The following RIF1 variants were observed in gnomAD, a reference collection of about 807,000 sequenced individuals.
RIF1 encodes telomere-associated protein RIF1.
RIF1 carries 45 observed loss-of-function variants against 247.1 expected under a neutral mutation model. That is an observed-to-expected ratio of 0.18 (90% CI 0.14 to 0.23). The LOEUF (loss-of-function observed/expected upper bound fraction) is 0.23. RIF1 is among the 10% of genes least tolerant of loss of function. RIF1 has a pLI of 1.00. For missense variants in RIF1, 2,967 were observed against 2,862.5 expected (o/e 1.04, Z -0.83); for synonymous variants, 1,087 against 978.8 (o/e 1.11, Z -2.06).
At chr2:151,497,890 C>G in intron 10 of RIF1, 1 of 1,487,982 alleles carries the variant, frequency 6.7e-7, no homozygotes, top group South Asian at 1.4e-5. Context: ...AATCTGCACC[C>G]TCTAGAGAAG....
intron 4 of RIF1, 78 bp from the exon 5 acceptor site, chr2:151,416,483 T>C: frequency 7.9e-7 from 1 of 1,270,748 alleles, no homozygotes; most frequent in South Asian, 1.5e-5. Flanking sequence ...ATGAGTATAT[T>C]GTTTTCTCTA....
chr2:151,443,447 C>T, intron 17 of RIF1, 82 bp from the exon 18 acceptor site: 1 of 1,388,808 alleles, frequency 7.2e-7, no homozygotes, highest in African/African-American at 1.5e-5. Flanking sequence ...AACTTTTTGT[C>T]AGTTATTTTA....
intron 9 of RIF1, chr2:151,492,260 C>T: frequency 6.2e-7 from 1 of 1,612,998 alleles, no homozygotes; most frequent in Non-Finnish European, 8.5e-7. Context: ...TTGTGTTTCT[C>T]AAAGTCTTCA....
rs943866392 is a variant in RIF1 at position 151,505,534 on chromosome 2, T to C, written c.*862-676T>C. 13 of 1,613,710 alleles carry C rather than the reference T, an allele frequency of 8.1e-6. No homozygotes were observed. The African/African-American group carries it at 1.7e-4, about 22-fold the overall frequency. Reference sequence around the variant, plus strand: ...CGTTTCACTTCAGGCAGGTCAGGGATTGGAGTTCCTTGTCCTATTGCTTCC... The same window carrying C: ...CGTTTCACTTCAGGCAGGTCAGGGACTGGAGTTCCTTGTCCTATTGCTTCC... On this transcript the variant is annotated intron_variant and NMD_transcript_variant, in intron 12 of 13. Coordinates refer to the RIF1 transcript ENST00000454583.
At chr2:151,469,554 A>G (rs144182960) in intron 33 of RIF1, among the ~76,000 whole-genome samples, 157 bp from the exon 34 acceptor site, 1 of 152,250 alleles carries the variant, frequency 6.6e-6, no homozygotes, top group East Asian at 1.9e-4. Flanking sequence ...TCAGATTCGA[A>G]TTTTGTTTTA....
the RIF1 span, among the ~76,000 whole-genome samples, chr2:151,521,107 G>C: frequency 7.9e-5 from 12 of 152,172 alleles, no homozygotes; most frequent in East Asian, 1.7e-3. Context: ...TTATTGTTAA[G>C]ATGAAAGACT....
chr2:151,422,900 AT>A (rs199807004), intron 7 of RIF1, 49 bp from the exon 8 acceptor site: 43 of 968,412 alleles, frequency 4.4e-5, no homozygotes, highest in Middle Eastern at 2.4e-4. Context: ...TTGGTATTGG[AT>A]TTTTTTTTCT....
chr2:151,503,346 T>G, intron 12 of RIF1: 1 of 1,596,704 alleles, frequency 6.3e-7, no homozygotes, highest in Non-Finnish European at 8.6e-7. Flanking sequence ...TATTTGTAAA[T>G]ACCGAGCTAA....
At chr2:151,427,140 G>A (rs1381541399) in intron 8 of RIF1, among the ~76,000 whole-genome samples, 1 of 151,784 alleles carries the variant, frequency 6.6e-6, no homozygotes, top group African/African-American at 2.4e-5. Flanking sequence ...CCTGTTAGGA[G>A]CATTCGTGTT....
chr2:151,490,534 T>G (rs199665245), intron 9 of RIF1: 1 of 1,605,824 alleles, frequency 6.2e-7, no homozygotes. Flanking sequence ...AGAGATGCAG[T>G]TGGGGGAGAT....
At chr2:151,515,573 G>A in the RIF1 span, among the ~76,000 whole-genome samples, 1 of 152,158 alleles carries the variant, frequency 6.6e-6, no homozygotes, top group African/African-American at 2.4e-5. Context: ...CAGAGGAATT[G>A]TATGGTTTTG....
chr2:151,485,650 C>A, downstream of RIF1: 8 of 1,087,602 alleles, frequency 7.4e-6, no homozygotes, highest in Non-Finnish European at 1.0e-5. Context: ...CACATTGACA[C>A]AGAAAAACCA....
At chr2:151,518,970 T>C in the RIF1 span, 2 of 1,608,738 alleles carry the variant, frequency 1.2e-6, no homozygotes, top group African/African-American at 1.3e-5. Flanking sequence ...CTTACAGAAC[T>C]GGCAAGTTGG....
In RIF1 at chr2:151,416,599, A is replaced by G; in HGVS notation, c.319A>G (p.Thr107Ala). Residue 107 changes from threonine (T) to alanine (A), a missense_variant, in exon 5 of 36, where the codon ACC (threonine) becomes GCC (alanine). Physicochemically the swap from Thr to Ala is moderately conservative, Grantham distance 58. Around this residue, in one of 7 missense-constraint regions of RIF1, gnomAD observed 269 missense variants for 288.6 expected, o/e 0.93. Coordinates refer to ENST00000444746, the MANE Select transcript of RIF1 (RefSeq NM_018151.5). ...AGAATTGCTTTCAAAATTGAATGAT[A>G]CCATTAAGAATTCAGACAAAAATGT... ...ALELLSKLNDTIKNSDKNVRT... is the reference protein window; with the variant it reads ...ALELLSKLNDAIKNSDKNVRT... 1.2e-6 allele frequency: 2 copies of G among 1,606,762 alleles called. No homozygotes were observed. Among genetic ancestry groups the G allele is most frequent in the Non-Finnish European group, 1.7e-6 (2 of 1,178,114 alleles).
At chr2:151,461,713 GA>G (rs1696201355) in intron 27 of RIF1, among the ~76,000 whole-genome samples, 1 of 151,956 alleles carries the variant, frequency 6.6e-6, no homozygotes, top group Non-Finnish European at 1.5e-5. Flanking sequence ...ATTTTAATGC[GA>G]AAAGTTATAC....
intron 7 of RIF1, among the ~76,000 whole-genome samples, chr2:151,421,565 A>G (rs1688168394): frequency 6.6e-6 from 1 of 152,144 alleles, no homozygotes; most frequent in Non-Finnish European, 1.5e-5. Context: ...GGAAAGCCAT[A>G]TTTGAAGGTC....
chr2:151,526,171 T>C, the RIF1 span: 1 of 1,613,950 alleles, frequency 6.2e-7, no homozygotes, highest in Non-Finnish European at 8.5e-7. Context: ...AGACACCAGG[T>C]TGCTGACAGT....
chr2:151,507,704 C>T, intron 13 of RIF1: 1 of 312,494 alleles, frequency 3.2e-6, no homozygotes. Context: ...GTGTGTCTCT[C>T]TTGTTAATCT....
chr2:151,446,307 C>T, intron 19 of RIF1, 119 bp from the exon 20 acceptor site: 5 of 922,310 alleles, frequency 5.4e-6, no homozygotes, highest in Non-Finnish European at 8.1e-6. Flanking sequence ...CCGTTAGTGT[C>T]TTTTTTGACA....
Sources: gnomAD v4.1 joint callset for allele counts (sites outside exome capture counted in the v4.1 genomes callset) on GRCh38, gnomAD v4.1.1 for gene constraint, gnomAD v4.1.1 regional missense constraint, MANE v1.5 for transcripts, NCBI Gene and HGNC (gene_info 2026-07-23, HGNC 2026-07-21) for gene names.